The following LRRTM4 variants were observed in gnomAD, a reference collection of about 807,000 sequenced individuals.
LRRTM4 encodes leucine rich repeat transmembrane neuronal 4, also known as leucine-rich repeat transmembrane neuronal protein 4.
A neutral mutation model predicts 47.6 loss-of-function variants in LRRTM4; 25 were observed. That is an observed-to-expected ratio of 0.53 (90% CI 0.38 to 0.73). LRRTM4 has a LOEUF of 0.73. LRRTM4 is among the 30% of genes least tolerant of loss of function. The pLI, the probability that LRRTM4 is intolerant of heterozygous loss-of-function variation, is 0.00. For missense variants in LRRTM4, 638 were observed against 713.4 expected, an observed-to-expected ratio of 0.89 and a Z score of 1.20; for synonymous variants, 311 against 269.5, an observed-to-expected ratio of 1.15 and a Z score of -1.51.
intron 3 of LRRTM4, among the ~76,000 whole-genome samples, chr2:76,839,598 T>A (rs889596969): frequency 6.6e-6 from 1 of 152,104 alleles, no homozygotes; most frequent in Non-Finnish European, 1.5e-5. Flanking sequence ...ATCATTCTTG[T>A]ATGCTGGAGA....
At chr2:76,776,059 C>A (rs71490163) in intron 3 of LRRTM4, among the ~76,000 whole-genome samples, 1 of 152,168 alleles carries the variant, frequency 6.6e-6, no homozygotes, top group Non-Finnish European at 1.5e-5. Flanking sequence ...TTTCCAATTT[C>A]ATCCATGTCC....
intron 3 of LRRTM4, among the ~76,000 whole-genome samples, chr2:77,407,151 C>T (rs1428985581): frequency 6.6e-6 from 1 of 152,138 alleles, no homozygotes; most frequent in Admixed American, 6.5e-5. Context: ...TGCCCATTTG[C>T]TTTCTGGTAT....
intron 3 of LRRTM4, among the ~76,000 whole-genome samples, chr2:76,835,726 C>T (rs1671491315): frequency 6.6e-6 from 1 of 151,940 alleles, no homozygotes; most frequent in Non-Finnish European, 1.5e-5. Context: ...TTTATACATC[C>T]ACCTGTCACG....
Position 77,154,475 on chromosome 2 carries a change from G to A in LRRTM4, c.1551+363843C>T, listed in dbSNP as rs1866563. On this transcript the variant is annotated intron_variant, in intron 3 of 3. Transcript: ENST00000409884. ...AGAAGAAAAAGGCTAATTATAACTAGTATAGGCATGGACATAGGAAAATGG... is the reference window on the plus strand; with the variant it reads ...AGAAGAAAAAGGCTAATTATAACTAATATAGGCATGGACATAGGAAAATGG... 4.5e-3 allele frequency among the ~76,000 whole-genome samples: 680 copies of A among 152,210 alleles called. 18 individuals are homozygous for A. Among genetic ancestry groups the A allele is most frequent in the Admixed American group, 0.036 (551 of 15,270 alleles).
chr2:77,226,224 C>A (rs1423070115), intron 3 of LRRTM4, among the ~76,000 whole-genome samples: 1 of 151,778 alleles, frequency 6.6e-6, no homozygotes, highest in Non-Finnish European at 1.5e-5. Flanking sequence ...AACAAAGCAG[C>A]CTATTACCTA....
chr2:77,180,966 C>G (rs1274628477), intron 3 of LRRTM4, among the ~76,000 whole-genome samples: 1 of 151,974 alleles, frequency 6.6e-6, no homozygotes, highest in Admixed American at 6.6e-5. Context: ...ATATTTCACT[C>G]TAATAAAGCT....
chr2:76,916,861 A>G (rs1357042943), intron 3 of LRRTM4, among the ~76,000 whole-genome samples: 1 of 152,218 alleles, frequency 6.6e-6, no homozygotes, highest in African/African-American at 2.4e-5. Flanking sequence ...TTTCCAGCTA[A>G]TTTAAGTCCA....
chr2:77,440,246 C>G (rs1675784879), intron 3 of LRRTM4, among the ~76,000 whole-genome samples: 1 of 152,102 alleles, frequency 6.6e-6, no homozygotes, highest in Non-Finnish European at 1.5e-5. Flanking sequence ...GAACCCGTCT[C>G]TACTAAAAAT....
chr2:77,414,764 G>A (rs1286901813), intron 3 of LRRTM4, among the ~76,000 whole-genome samples: 1 of 152,170 alleles, frequency 6.6e-6, no homozygotes, highest in Non-Finnish European at 1.5e-5. Context: ...TGTGATCAAT[G>A]AGCAAATATT....
At chr2:77,360,802 T>A (rs1244165187) in intron 3 of LRRTM4, among the ~76,000 whole-genome samples, 1 of 152,158 alleles carries the variant, frequency 6.6e-6, no homozygotes. Context: ...TCACTATTGA[T>A]CTCTCCAGGA....
At chr2:77,342,641 T>C (rs563223641) in intron 3 of LRRTM4, among the ~76,000 whole-genome samples, 1 of 152,092 alleles carries the variant, frequency 6.6e-6, no homozygotes, top group East Asian at 1.9e-4. Flanking sequence ...AGACAATATA[T>C]ACACAATTGT....
intron 3 of LRRTM4, among the ~76,000 whole-genome samples, chr2:76,847,107 G>A (rs1417564072): frequency 6.6e-6 from 1 of 152,068 alleles, no homozygotes; most frequent in East Asian, 1.9e-4. Context: ...CTTTTAAGTG[G>A]AGTCCTTCAA....
At chr2:77,237,927 G>T (rs1365188918) in intron 3 of LRRTM4, among the ~76,000 whole-genome samples, 2 of 152,018 alleles carry the variant, frequency 1.3e-5, no homozygotes, top group Non-Finnish European at 2.9e-5. Context: ...CTGGATCCAG[G>T]TTCTTTATAT....
chr2:77,438,525 G>A (rs190857354), intron 3 of LRRTM4, among the ~76,000 whole-genome samples: 7 of 146,128 alleles, frequency 4.8e-5, no homozygotes, highest in Non-Finnish European at 1.0e-4. Flanking sequence ...TCCTTCCTCA[G>A]CCTCCCGAAT....
At chr2:77,190,583 C>G (rs2010890) in intron 3 of LRRTM4, among the ~76,000 whole-genome samples, 5 of 151,250 alleles carry the variant, frequency 3.3e-5, no homozygotes, top group African/African-American at 1.2e-4. Flanking sequence ...TACAGACGTG[C>G]ACCACCGCAC....
rs200933978 is a variant in LRRTM4, at chr2:77,207,347, G to GTATATATATATATATATATA, written c.1551+310970_1551+310971insTATATATATATATATATATA. Among the ~76,000 whole-genome samples, 136 of 83,352 alleles carry GTATATATATATATATATATA rather than the reference G, an allele frequency of 1.6e-3. 1 individual carries two copies. The highest frequency in any genetic ancestry group is 5.4e-3 in the African/African-American group (125 of 23,148). 54.7% of individuals were successfully genotyped at this position (83,352 alleles called of 152,430 possible). A position where few individuals can be genotyped will look rare whatever the true frequency, so the allele number is the denominator to read the frequency against. On this transcript the variant is annotated intron_variant, in intron 3 of 3. Coordinates refer to ENST00000409884, the MANE Select transcript of LRRTM4 (RefSeq NM_001134745.3). ...TTATGTTTTTCCTAATTTCATATATGTGTATATATATATATATATATATAT... is the reference window on the plus strand; with the variant it reads ...TTATGTTTTTCCTAATTTCATATATGTATATATATATATATATATATGTATATATATATATATATATATAT...
At chr2:77,301,216 T>A (rs889762436) in intron 3 of LRRTM4, among the ~76,000 whole-genome samples, 3 of 152,140 alleles carry the variant, frequency 2.0e-5, no homozygotes, top group Non-Finnish European at 4.4e-5. Context: ...AACAGTTTTA[T>A]AAAAAATAGA....
chr2:77,475,481 TTTTA>T (rs1677351632), intron 3 of LRRTM4, among the ~76,000 whole-genome samples: 2 of 152,088 alleles, frequency 1.3e-5, no homozygotes, highest in African/African-American at 2.4e-5. Flanking sequence ...GCACATAGTG[TTTTA>T]TTTAAGTAAT....
intron 3 of LRRTM4, among the ~76,000 whole-genome samples, chr2:76,887,430 C>T (rs1229727987): frequency 6.6e-6 from 1 of 151,160 alleles, no homozygotes; most frequent in Non-Finnish European, 1.5e-5. Context: ...TGACAAACAG[C>T]ACCACCAATC....
Sources: gnomAD v4.1 joint callset for allele counts (sites outside exome capture counted in the v4.1 genomes callset) on GRCh38, gnomAD v4.1.1 for gene constraint, MANE v1.5 for transcripts, NCBI Gene and HGNC (gene_info 2026-07-23, HGNC 2026-07-21) for gene names.